The following MCTP2 variants were observed in gnomAD, a reference collection of about 807,000 sequenced individuals.
The protein encoded by MCTP2 is multiple C2 and transmembrane domain-containing protein 2.
Under a neutral mutation model 111.6 loss-of-function variants are expected in MCTP2, and 132 were observed. That is an observed-to-expected ratio of 1.18 (90% CI 1.03 to 1.37). The LOEUF is 1.37. Ranked by LOEUF, MCTP2 falls within the 40% of genes most tolerant of loss-of-function variation. The pLI, the probability that MCTP2 is intolerant of heterozygous loss-of-function variation, is 0.00. For missense variants in MCTP2, 1,183 were observed against 1,067.9 expected, an observed-to-expected ratio of 1.11 and a Z score of -1.50; for synonymous variants, 395 against 387.7, an observed-to-expected ratio of 1.02 and a Z score of -0.22.
chr15:94,338,015 A>C (rs2077451126), intron 4 of MCTP2, among the ~76,000 whole-genome samples: 2 of 152,310 alleles, frequency 1.3e-5, no homozygotes, highest in South Asian at 4.1e-4. Context: ...TATTAAAAGG[A>C]GCTGAAAAAG....
chr15:94,359,541 G>A (rs1422097437), intron 10 of MCTP2, among the ~76,000 whole-genome samples: 2 of 152,184 alleles, frequency 1.3e-5, no homozygotes, highest in East Asian at 3.8e-4. Context: ...CACCCCTTGA[G>A]GAATGGGAGG....
chr15:94,340,770 C>A, intron 6 of MCTP2, 43 bp from the exon 7 acceptor site: 2 of 1,243,308 alleles, frequency 1.6e-6, no homozygotes, highest in Non-Finnish European at 2.3e-6. Flanking sequence ...CAATACAGTC[C>A]TGTCAATAAG....
At chr15:94,275,397 A>G (rs2074137543) in intron 1 of MCTP2, among the ~76,000 whole-genome samples, 1 of 152,208 alleles carries the variant, frequency 6.6e-6, no homozygotes, top group South Asian at 2.1e-4. Flanking sequence ...AAGGAATAAC[A>G]GAAATCATCA....
At chr15:94,261,138 C>T (rs2152282083) in intron 1 of MCTP2, among the ~76,000 whole-genome samples, 1 of 152,242 alleles carries the variant, frequency 6.6e-6, no homozygotes, top group East Asian at 1.9e-4. Context: ...TTCAAGTTGT[C>T]CCACCTTTCT....
intron 1 of MCTP2, among the ~76,000 whole-genome samples, chr15:94,268,026 T>C (rs1168105572): frequency 1.2e-4 from 18 of 150,830 alleles, no homozygotes; most frequent in Non-Finnish European, 5.9e-5. Flanking sequence ...CCACCACACC[T>C]GGCTAATTTT....
chr15:94,355,917 A>G lies in MCTP2; in HGVS notation c.1006-220A>G, dbSNP rs1199096973. On this transcript the variant is annotated intron_variant, in intron 8 of 22. Coordinates refer to ENST00000357742, the MANE Select transcript of MCTP2 (RefSeq NM_001385001.1). ...CCAGTGCCAAGTCAAAGTGTTGCATATACTCATCCTTCACTATATTATTAC... is the reference window on the plus strand; with the variant it reads ...CCAGTGCCAAGTCAAAGTGTTGCATGTACTCATCCTTCACTATATTATTAC... 7.9e-6 allele frequency: 9 copies of G among 1,140,266 alleles called. No homozygotes were observed. The Admixed American group carries it at 2.3e-4, about 30-fold the overall frequency. 70.6% of individuals were successfully genotyped at this position (1,140,266 alleles called of 1,614,324 possible). A position where few individuals can be genotyped will look rare whatever the true frequency, so the allele number is the denominator to read the frequency against.
chr15:94,239,880 A>G (rs1422001545), intron 1 of MCTP2, among the ~76,000 whole-genome samples: 1 of 152,202 alleles, frequency 6.6e-6, no homozygotes, highest in Non-Finnish European at 1.5e-5. Flanking sequence ...TTGATCAGAT[A>G]GGTGTGGCCC....
intron 1 of MCTP2, among the ~76,000 whole-genome samples, chr15:94,244,750 G>A (rs925391532): frequency 1.0e-4 from 15 of 147,006 alleles, no homozygotes; most frequent in Admixed American, 8.7e-4. Flanking sequence ...ACATACATAT[G>A]CACCTATGTT....
At chr15:94,315,755 C>G in intron 4 of MCTP2, 118 bp downstream of exon 4, 1 of 679,036 alleles carries the variant, frequency 1.5e-6, no homozygotes, top group Non-Finnish European at 2.6e-6. Flanking sequence ...GACAGTGGCT[C>G]AAATCTAAGT....
At chr15:94,275,292 A>G (rs917371095) in intron 1 of MCTP2, among the ~76,000 whole-genome samples, 2 of 152,174 alleles carry the variant, frequency 1.3e-5, no homozygotes, top group African/African-American at 4.8e-5. Context: ...TAAACAAGTC[A>G]TAAGGATTAG....
chr15:94,421,927 G>C (rs1473374896), intron 17 of MCTP2, among the ~76,000 whole-genome samples: 3 of 152,172 alleles, frequency 2.0e-5, no homozygotes, highest in African/African-American at 7.2e-5. Flanking sequence ...CATTCATGTG[G>C]CTTCCTGAAG....
At chr15:94,400,710 T>C (rs2081539234) in intron 16 of MCTP2, among the ~76,000 whole-genome samples, 1 of 151,798 alleles carries the variant, frequency 6.6e-6, no homozygotes, top group Admixed American at 6.6e-5. Flanking sequence ...CCCTCTTCAA[T>C]TGTATAACAA....
intron 8 of MCTP2, among the ~76,000 whole-genome samples, chr15:94,347,901 T>C (rs368333171): frequency 1.3e-5 from 2 of 149,480 alleles, no homozygotes; most frequent in Admixed American, 6.6e-5. Context: ...CACACAGACA[T>C]ACACACACAC....
At chr15:94,349,384 T>A (rs1335061006) in intron 8 of MCTP2, among the ~76,000 whole-genome samples, 3 of 152,172 alleles carry the variant, frequency 2.0e-5, no homozygotes, top group Non-Finnish European at 4.4e-5. Context: ...ACACTTGCGG[T>A]AGAACCTGTC....
chr15:94,400,438 G>C (rs893773004), intron 16 of MCTP2, among the ~76,000 whole-genome samples: 2 of 151,972 alleles, frequency 1.3e-5, no homozygotes, highest in African/African-American at 4.8e-5. Context: ...CCTGGGTTTC[G>C]CTCATGACTG....
chr15:94,358,480 A>G lies in MCTP2; in HGVS notation c.1171-2A>G. On this transcript the variant is annotated splice_acceptor_variant, in intron 9 of 22. Transcript: ENST00000357742. LOFTEE classifies it high-confidence loss of function. ...TAAATATTATAACTGCATGTTTTCTAGACACTGTGTAAGAGTGCAAATCCG... is the reference window on the plus strand; with the variant it reads ...TAAATATTATAACTGCATGTTTTCTGGACACTGTGTAAGAGTGCAAATCCG... 1 of 1,610,810 alleles carries G rather than the reference A, an allele frequency of 6.2e-7. No individual in the cohort carries two copies. The highest frequency in any genetic ancestry group is 8.5e-7 in the Non-Finnish European group (1 of 1,178,282).
In MCTP2 at chr15:94,245,346, A is replaced by G. The variant is rs572873614; in HGVS notation, c.-66+13682A>G. 3.4e-4 allele frequency among the ~76,000 whole-genome samples: 46 copies of G among 134,170 alleles called. 1 individual carries two copies. In the South Asian group the frequency reaches 6.1e-3, roughly 18 times the overall value. 88.0% of individuals were successfully genotyped at this position (134,170 alleles called of 152,430 possible). A position where few individuals can be genotyped will look rare whatever the true frequency, so the allele number is the denominator to read the frequency against. Reference sequence around the variant, plus strand: ...TTTACATACATATGTGTAGATATTTACATACATATGTATATATATTTACAT... The same window carrying G: ...TTTACATACATATGTGTAGATATTTGCATACATATGTATATATATTTACAT... On this transcript the variant is annotated intron_variant, in intron 1 of 22. Coordinates refer to ENST00000357742, the MANE Select transcript of MCTP2 (RefSeq NM_001385001.1).
At chr15:94,364,715 C>T (rs2079101164) in intron 10 of MCTP2, among the ~76,000 whole-genome samples, 1 of 152,064 alleles carries the variant, frequency 6.6e-6, no homozygotes, top group African/African-American at 2.4e-5. Flanking sequence ...GGAAAAAAGC[C>T]TTTCTTGTTA....
At chr15:94,308,052 A>C (rs367589807) in intron 2 of MCTP2, among the ~76,000 whole-genome samples, 5 of 152,318 alleles carry the variant, frequency 3.3e-5, no homozygotes, top group African/African-American at 7.2e-5. Flanking sequence ...TAATTTCTAC[A>C]TAAATATTAT....
Sources: allele counts gnomAD v4.1 joint callset (sites outside exome capture counted in the v4.1 genomes callset), GRCh38; gene constraint gnomAD v4.1.1; transcripts MANE v1.5; gene names NCBI Gene and HGNC (gene_info 2026-07-23, HGNC 2026-07-21).